Variants in KBTBD12 observed in about 807,000 individuals in gnomAD.
KBTBD12 encodes kelch repeat and BTB domain containing 12.
A neutral mutation model predicts 58.7 loss-of-function variants in KBTBD12; 53 were observed. The observed-to-expected ratio is 0.90, with a 90% confidence interval of 0.72 to 1.14. The LOEUF (loss-of-function observed/expected upper bound fraction) is 1.14, where lower values mean the gene tolerates loss of function less well. Among genes scored for constraint, KBTBD12 ranks in the 50% most tolerant of loss-of-function variants. KBTBD12 has a pLI of 0.00. For synonymous variants in KBTBD12, 236 were observed against 259.8 expected, an observed-to-expected ratio of 0.91 and a Z score of 0.88; for missense variants, 704 against 751.3, an observed-to-expected ratio of 0.94 and a Z score of 0.74.
chr3:127,930,116 T>A lies in KBTBD12; in HGVS notation c.1342-17T>A. Reference sequence around the variant, plus strand: ...CTAAATGATATGTTATTATATTGGCTGTCATATTTCATACAGATGGATCTT... The same window carrying A: ...CTAAATGATATGTTATTATATTGGCAGTCATATTTCATACAGATGGATCTT... On this transcript the variant is annotated splice_polypyrimidine_tract_variant and intron_variant, in intron 3 of 5. Coordinates refer to ENST00000405109, the MANE Select transcript of KBTBD12 (RefSeq NM_207335.4). 1 of 1,563,700 alleles carries A rather than the reference T, an allele frequency of 6.4e-7. No individual in the cohort carries two copies. Among genetic ancestry groups the A allele is most frequent in the Non-Finnish European group, 8.7e-7 (1 of 1,152,192 alleles).
chr3:127,936,553 AT>A (rs1477965264), intron 4 of KBTBD12, among the ~76,000 whole-genome samples: 1 of 152,160 alleles, frequency 6.6e-6, no homozygotes, highest in Admixed American at 6.5e-5. Context: ...AGTTTTGTAA[AT>A]ATACTAAAAA....
At chr3:127,962,258 T>G (rs1172636156) in intron 4 of KBTBD12, among the ~76,000 whole-genome samples, 1 of 152,208 alleles carries the variant, frequency 6.6e-6, no homozygotes, top group Non-Finnish European at 1.5e-5. Flanking sequence ...GCCCTGACCT[T>G]GATGACCTTC....
rs1308645916 is a variant in KBTBD12, at chr3:127,986,118, G to A, written c.*1840G>A. Reference sequence around the variant, plus strand: ...AGCTGCCGCGTCTCCCTGGCTCAAGGAGGCCTTGTTGGCATGTCATGGCAC... The same window carrying A: ...AGCTGCCGCGTCTCCCTGGCTCAAGAAGGCCTTGTTGGCATGTCATGGCAC... On this transcript the variant is annotated 3_prime_UTR_variant, in exon 6 of 6. Coordinates refer to ENST00000405109, the MANE Select transcript of KBTBD12 (RefSeq NM_207335.4). 6.6e-6 allele frequency: 1 copy of A among 152,574 alleles called. No individual in the cohort carries two copies. Among genetic ancestry groups the A allele is most frequent in the Non-Finnish European group, 1.5e-5 (1 of 68,072 alleles). The allele number at this position is 152,574 out of a possible 1,614,324, so 9.5% of individuals were successfully genotyped here.
Position 127,923,630 on chromosome 3 carries a change from G to A in KBTBD12, c.569G>A (p.Arg190Lys). The change falls in exon 2 of 6, where the codon AGA becomes AAA. Residue 190 changes from arginine (R) to lysine (K), a missense_variant. Physicochemically the swap from Arg to Lys is conservative, Grantham distance 26 (BLOSUM62 2). Coordinates refer to ENST00000405109, the MANE Select transcript of KBTBD12 (RefSeq NM_207335.4). ...AAATCAGATGATCTTAACATATCCA[G>A]AGAAGAGAGCATTCTGGACTTAGTT... ...LIKSDDLNIS[R>K]EESILDLVLR... 3 of 1,613,718 alleles carry A rather than the reference G, an allele frequency of 1.9e-6. No homozygotes were observed. Among genetic ancestry groups the A allele is most frequent in the Non-Finnish European group, 2.5e-6 (3 of 1,179,796 alleles).
intron 5 of KBTBD12, among the ~76,000 whole-genome samples, chr3:127,976,043 C>T (rs1285787177): frequency 6.6e-6 from 1 of 152,152 alleles, no homozygotes; most frequent in Non-Finnish European, 1.5e-5. Context: ...AACATTTGCT[C>T]AATCATGCAA....
intron 5 of KBTBD12, among the ~76,000 whole-genome samples, chr3:127,965,384 A>T (rs1481925823): frequency 1.3e-5 from 2 of 152,204 alleles, no homozygotes; most frequent in Non-Finnish European, 2.9e-5. Flanking sequence ...TGTTTCTAAG[A>T]TGGTAGATTG....
At position 127,915,418 on chromosome 3, in the gene KBTBD12, C is replaced by G. The variant is rs1405145926; in HGVS notation, c.-281C>G. On this transcript the variant is annotated 5_prime_UTR_variant, in exon 1 of 6. Transcript: ENST00000405109. ...CCTCGGAGGCGCTGCCAGCGCCCTC[C>G]CTCCTCCTCCGCAGGGCGCGGGACC... The G allele has an allele frequency of 6.5e-6, 1 of 152,722 alleles. No homozygotes were observed. The highest frequency in any genetic ancestry group is 1.5e-5 in the Non-Finnish European group (1 of 68,440). 9.5% of individuals were successfully genotyped at this position (152,722 alleles called of 1,614,324 possible). A position where few individuals can be genotyped will look rare whatever the true frequency, so the allele number is the denominator to read the frequency against.
chr3:127,924,185 G>A, intron 2 of KBTBD12, 54 bp downstream of exon 2: 1 of 1,147,640 alleles, frequency 8.7e-7, no homozygotes, highest in Non-Finnish European at 1.3e-6. Flanking sequence ...ACTAGCAGCA[G>A]TAGAAGAAAG....
intron 5 of KBTBD12, among the ~76,000 whole-genome samples, chr3:127,975,127 G>A (rs79307107): frequency 0.016 from 2,497 of 152,266 alleles, 60 homozygotes; most frequent in African/African-American, 0.055. Context: ...AAGGAGGGGC[G>A]CCAGGAGAGC....
chr3:127,945,097 T>C (rs1485607406), intron 4 of KBTBD12, among the ~76,000 whole-genome samples: 2 of 149,984 alleles, frequency 1.3e-5, no homozygotes, highest in Admixed American at 1.3e-4. Context: ...ATGGGGTTTC[T>C]CCATGTTGCC....
rs535072419 is a variant in KBTBD12 at position 127,985,906 on chromosome 3, C to T, written c.*1628C>T. 1 of 152,460 alleles carries T rather than the reference C, an allele frequency of 6.6e-6. No individual in the cohort carries two copies. The highest frequency in any genetic ancestry group is 2.1e-4 in the South Asian group (1 of 4,828). The allele number at this position is 152,460 out of a possible 1,614,324, so 9.4% of individuals were successfully genotyped here. On this transcript the variant is annotated 3_prime_UTR_variant, in exon 6 of 6. Transcript: ENST00000405109. ...GTCCAGGAATCTGAGTTAAAGTGAG[C>T]TTACTCTTTCCCCAGTGGATGATCA...
In KBTBD12 at chr3:127,962,380, A is replaced by G. The variant is rs73205396; in HGVS notation, c.1493-809A>G. Reference sequence around the variant, plus strand: ...TTTTCCAATGGAGAGTTGTACTTAAAGTCATGATTCTCTAAGTGTTATTTA... The same window carrying G: ...TTTTCCAATGGAGAGTTGTACTTAAGGTCATGATTCTCTAAGTGTTATTTA... On this transcript the variant is annotated intron_variant, in intron 4 of 5. Transcript: ENST00000405109. Among the ~76,000 whole-genome samples the G allele has an allele frequency of 3.0e-3, 463 of 152,338 alleles. 2 individuals carry two copies. The highest frequency in any genetic ancestry group is 4.5e-3 in the Non-Finnish European group (305 of 68,030).
chr3:127,968,334 A>G (rs1940619023), intron 5 of KBTBD12, among the ~76,000 whole-genome samples: 1 of 152,182 alleles, frequency 6.6e-6, no homozygotes, highest in Non-Finnish European at 1.5e-5. Flanking sequence ...TTGTGTTTCA[A>G]AAAGGTCAGA....
intron 5 of KBTBD12, among the ~76,000 whole-genome samples, chr3:127,983,119 TG>T (rs970902697): frequency 1.3e-5 from 2 of 152,270 alleles, no homozygotes; most frequent in African/African-American, 4.8e-5. Context: ...CTTTTTCAAC[TG>T]GAGACAACGG....
At chr3:127,949,142 G>A (rs1408749503) in intron 4 of KBTBD12, among the ~76,000 whole-genome samples, 1 of 152,290 alleles carries the variant, frequency 6.6e-6, no homozygotes, top group African/African-American at 2.4e-5. Context: ...ACTTACAGAG[G>A]CCTATACAAA....
At chr3:127,958,237 A>T (rs752971953) in intron 4 of KBTBD12, among the ~76,000 whole-genome samples, 1 of 152,118 alleles carries the variant, frequency 6.6e-6, no homozygotes, top group Non-Finnish European at 1.5e-5. Context: ...AGGTACAGTC[A>T]GCAGAGTCGG....
At chr3:127,970,155 G>T (rs1477898169) in intron 5 of KBTBD12, among the ~76,000 whole-genome samples, 2 of 152,150 alleles carry the variant, frequency 1.3e-5, no homozygotes, top group Non-Finnish European at 2.9e-5. Context: ...CACTTGTCCA[G>T]TGAATATAAA....
At chr3:127,973,928 GC>G (rs1008539217) in intron 5 of KBTBD12, among the ~76,000 whole-genome samples, 2 of 152,060 alleles carry the variant, frequency 1.3e-5, no homozygotes, top group Non-Finnish European at 2.9e-5. Context: ...GCATCCCCGT[GC>G]CCCCCAGCCA....
rs1939845571 is a variant in KBTBD12 at position 127,937,093 on chromosome 3, AT to A, written c.1492+6814del. Reference sequence around the variant, plus strand: ...AGACCTCAAAAATCCCCCACAAATAATTTTCCAAGGAAAATAAGCATTCCAC... The same window carrying A: ...AGACCTCAAAAATCCCCCACAAATAATTTCCAAGGAAAATAAGCATTCCAC... On this transcript the variant is annotated intron_variant, in intron 4 of 5. Transcript: ENST00000405109. Among the ~76,000 whole-genome samples the A allele has an allele frequency of 2.6e-5, 4 of 152,084 alleles. No individual in the cohort carries two copies. The South Asian group carries it at 8.3e-4, about 32-fold the overall frequency.
Sources: gnomAD v4.1 joint callset for allele counts (sites outside exome capture counted in the v4.1 genomes callset) on GRCh38, gnomAD v4.1.1 for gene constraint, MANE v1.5 for transcripts, NCBI Gene and HGNC (gene_info 2026-07-23, HGNC 2026-07-21) for gene names.